BTD: variants seen among roughly 807,000 people sequenced by gnomAD.
BTD encodes biocytinase.
A neutral mutation model predicts 17.7 loss-of-function variants in BTD; 13 were observed. The ratio of observed to expected loss-of-function variants is 0.74; its 90% CI spans 0.48 to 1.17. The LOEUF (loss-of-function observed/expected upper bound fraction) is 1.17, where lower values mean the gene tolerates loss of function less well. Among genes scored for constraint, BTD ranks in the 50% most tolerant of loss-of-function variants. The pLI is 0.00. For synonymous variants in BTD, 240 were observed against 245.2 expected (o/e 0.98, Z 0.20); for missense variants, 674 against 650.4 (o/e 1.04, Z -0.39).
intron 1 of BTD, among the ~76,000 whole-genome samples, chr3:15,628,632 C>T (rs537186587): frequency 6.6e-6 from 1 of 152,260 alleles, no homozygotes; most frequent in African/African-American, 2.4e-5. Context: ...CATAAGCATT[C>T]CAGAAGAACA....
chr3:15,711,274 C>G, exon 4 of BTD: 6 of 1,609,012 alleles, frequency 3.7e-6, no homozygotes, highest in Non-Finnish European at 5.1e-6. Flanking sequence ...TATATCAAAT[C>G]CTACAAGAAT....
chr3:15,676,847 T>C lies in BTD; in HGVS notation c.400-33213T>C, dbSNP rs974029784. 3 of 664,562 alleles carry C rather than the reference T, an allele frequency of 4.5e-6. No homozygotes were observed. The African/African-American group carries it at 5.5e-5, about 12-fold the overall frequency. 41.2% of individuals were successfully genotyped at this position (664,562 alleles called of 1,614,324 possible). A position where few individuals can be genotyped will look rare whatever the true frequency, so the allele number is the denominator to read the frequency against. On this transcript the variant is annotated intron_variant, in intron 3 of 3. Coordinates refer to the BTD transcript ENST00000672141. ...TTTTAGAAATGAGTTTTGACAGTTGTAAAACTATTAAAATTGCTTCTATGA... is the reference window on the plus strand; with the variant it reads ...TTTTAGAAATGAGTTTTGACAGTTGCAAAACTATTAAAATTGCTTCTATGA...
downstream of BTD, among the ~76,000 whole-genome samples, chr3:15,714,903 T>C (rs2126101711): frequency 6.6e-6 from 1 of 152,268 alleles, no homozygotes; most frequent in South Asian, 2.1e-4. Flanking sequence ...AGTGGGACAG[T>C]AAGGATGTGT....
chr3:15,698,230 G>A (rs2069972752), intron 3 of BTD, among the ~76,000 whole-genome samples: 1 of 152,058 alleles, frequency 6.6e-6, no homozygotes, highest in East Asian at 1.9e-4. Flanking sequence ...GGTATTGATG[G>A]AATGTATCTC....
chr3:15,676,395 A>G (rs1440382894), intron 3 of BTD, among the ~76,000 whole-genome samples: 1 of 152,228 alleles, frequency 6.6e-6, no homozygotes, highest in African/African-American at 2.4e-5. Flanking sequence ...GGCTTTGAAA[A>G]CAGCTTACAA....
rs887805406 is a variant in BTD, at chr3:15,653,129, C to T, written c.*7641C>T. Among the ~76,000 whole-genome samples, 7 of 152,186 alleles carry T rather than the reference C, an allele frequency of 4.6e-5. No individual in the cohort carries two copies. In the South Asian group the frequency reaches 6.2e-4, roughly 13 times the overall value. ...GAAAGGTGGGCTCCAGGCAGCAGCA[C>T]CAGTAGCACCTGGGAAATTGTTGGA... On this transcript the variant is annotated 3_prime_UTR_variant, in exon 4 of 4. Transcript: ENST00000643237.
intron 3 of BTD, among the ~76,000 whole-genome samples, chr3:15,705,492 A>G (rs1559372104): frequency 1.3e-5 from 2 of 152,234 alleles, no homozygotes; most frequent in Non-Finnish European, 2.9e-5. Context: ...GTAAAGGACT[A>G]CAGATGGTGA....
At chr3:15,719,902 ACT>A (rs1379506642) in intron 4 of BTD, among the ~76,000 whole-genome samples, 1 of 151,644 alleles carries the variant, frequency 6.6e-6, no homozygotes, top group Non-Finnish European at 1.5e-5. Context: ...ACAGGGTCTC[ACT>A]CTGTCACCCA....
intron 1 of BTD, among the ~76,000 whole-genome samples, chr3:15,605,146 T>C (rs1264274200): frequency 6.6e-6 from 1 of 152,198 alleles, no homozygotes; most frequent in Non-Finnish European, 1.5e-5. Flanking sequence ...CATACTGCTA[T>C]GAAGAAATAC....
At chr3:15,603,606 G>C (rs1559573336) in intron 1 of BTD, among the ~76,000 whole-genome samples, 1 of 152,198 alleles carries the variant, frequency 6.6e-6, no homozygotes, top group Non-Finnish European at 1.5e-5. Context: ...GCAGTGAGCT[G>C]AGATTGGGCC....
chr3:15,630,182 G>A, intron 1 of BTD: 1 of 650,264 alleles, frequency 1.5e-6, no homozygotes, highest in Non-Finnish European at 1.9e-6. Context: ...TCTGGGTCTT[G>A]TTTAACTGTA....
At position 15,700,112 on chromosome 3, in the gene BTD, A is replaced by G. The variant is rs965325911; in HGVS notation, c.400-9948A>G. Among the ~76,000 whole-genome samples the G allele has an allele frequency of 3.3e-5, 5 of 152,368 alleles. No homozygotes were observed. The South Asian group carries it at 1.0e-3, about 32-fold the overall frequency. On this transcript the variant is annotated intron_variant, in intron 3 of 3. Transcript: ENST00000672141. ...GACACAGATGAAGCTGGAAACCATC[A>G]TTCTCAGCAAACTATCACAAGATCA... is the stretch of plus-strand genomic sequence containing the variant.
chr3:15,670,584 T>TA lies in BTD; in HGVS notation c.399+28529dup, dbSNP rs1559300534. 1.9e-6 allele frequency: 3 copies of TA among 1,595,764 alleles called. No individual in the cohort carries two copies. The Admixed American group carries it at 5.2e-5, about 28-fold the overall frequency. On this transcript the variant is annotated intron_variant, in intron 3 of 3. Transcript: ENST00000672141. ...AGAATTAAAGATAAAATTTAAAAATTAAGCATCCTGAGATGTATTTCACCA... is the reference window on the plus strand; with the variant it reads ...AGAATTAAAGATAAAATTTAAAAATTAAAGCATCCTGAGATGTATTTCACCA...
downstream of BTD, among the ~76,000 whole-genome samples, chr3:15,716,541 C>T (rs1445729908): frequency 6.6e-6 from 1 of 151,996 alleles, no homozygotes; most frequent in Non-Finnish European, 1.5e-5. Flanking sequence ...GCCTTGGCTT[C>T]CCAAAGTGCT....
At chr3:15,654,424 T>G (rs2065850498), downstream of BTD, among the ~76,000 whole-genome samples, 5 of 152,066 alleles carry the variant, frequency 3.3e-5, no homozygotes, top group Non-Finnish European at 7.4e-5. Flanking sequence ...CCTAAGTCAG[T>G]CACACCTCAT....
At chr3:15,706,945 A>C (rs573830686) in intron 3 of BTD, among the ~76,000 whole-genome samples, 3 of 151,954 alleles carry the variant, frequency 2.0e-5, no homozygotes, top group East Asian at 3.9e-4. Flanking sequence ...TTGTTTGAAA[A>C]ACCCCTAGAA....
chr3:15,695,325 G>T, intron 3 of BTD: 1 of 759,514 alleles, frequency 1.3e-6, no homozygotes. Context: ...TGCTTCCTTT[G>T]GCTCCAAAAA....
At chr3:15,624,466 G>A (rs1275195826) in intron 1 of BTD, among the ~76,000 whole-genome samples, 1 of 151,630 alleles carries the variant, frequency 6.6e-6, no homozygotes, top group African/African-American at 2.4e-5. Context: ...TCAAGCTCAG[G>A]GATTCCTTCC....
chr3:15,671,997 CTG>C (rs2066419053), intron 3 of BTD, among the ~76,000 whole-genome samples: 3 of 152,128 alleles, frequency 2.0e-5, no homozygotes, highest in South Asian at 4.1e-4. Context: ...TTGTATGTAA[CTG>C]TAGTTGGTTC....
Sources: gnomAD v4.1 joint callset for allele counts (sites outside exome capture counted in the v4.1 genomes callset) on GRCh38, gnomAD v4.1.1 for gene constraint, MANE v1.5 for transcripts, NCBI Gene and HGNC (gene_info 2026-07-23, HGNC 2026-07-21) for gene names.